Variants in PTPRG observed in about 807,000 individuals in gnomAD.
PTPRG encodes the protein receptor-type tyrosine-protein phosphatase gamma.
Under a neutral mutation model 165.3 loss-of-function variants are expected in PTPRG, and 102 were observed. The ratio of observed to expected loss-of-function variants is 0.62; its 90% CI spans 0.53 to 0.73. PTPRG has a LOEUF of 0.73. PTPRG is among the 30% of genes least tolerant of loss of function. The probability of loss-of-function intolerance (pLI) is 0.00; values close to 1 mark genes in which losing one functional copy is unlikely to be tolerated. For synonymous variants in PTPRG, 675 were observed against 669.5 expected (o/e 1.01, Z -0.13); for missense variants, 1,866 against 1,861.4 (o/e 1.00, Z -0.05).
chr3:61,841,697 T>G (rs1035197796), intron 2 of PTPRG, among the ~76,000 whole-genome samples: 17 of 151,984 alleles, frequency 1.1e-4, no homozygotes, highest in Admixed American at 9.8e-4. Context: ...TGAAATAAGC[T>G]GAAAGTAAGA....
chr3:62,035,200 C>T (rs960011589), intron 4 of PTPRG, among the ~76,000 whole-genome samples: 2 of 152,112 alleles, frequency 1.3e-5, no homozygotes, highest in African/African-American at 4.8e-5. Context: ...TTTTCTCTTC[C>T]CCAAGTAAAA....
intron 2 of PTPRG, among the ~76,000 whole-genome samples, chr3:61,929,511 T>C (rs940713779): frequency 3.9e-5 from 6 of 152,208 alleles, no homozygotes; most frequent in Admixed American, 3.3e-4. Context: ...CTTTTCATAA[T>C]GGGCTTCCTT....
intron 2 of PTPRG, among the ~76,000 whole-genome samples, chr3:61,863,926 A>C (rs1219231282): frequency 6.6e-6 from 1 of 152,204 alleles, no homozygotes; most frequent in Admixed American, 6.5e-5. Context: ...TTTTAACAAC[A>C]TCAATTCTGA....
chr3:61,701,152 C>A lies in PTPRG; in HGVS notation c.86-47726C>A, dbSNP rs145728049. 3.6e-3 allele frequency among the ~76,000 whole-genome samples: 543 copies of A among 152,268 alleles called. 5 individuals carry two copies. The highest frequency in any genetic ancestry group is 0.012 in the African/African-American group (509 of 41,556). On this transcript the variant is annotated intron_variant, in intron 1 of 29. Coordinates refer to ENST00000474889, the MANE Select transcript of PTPRG (RefSeq NM_002841.4). Reference sequence around the variant, plus strand: ...TCTTCTTGTGTTTTCACGGAGTAGTCCACCATCACACCATATGGGCTTTTT... The same window carrying A: ...TCTTCTTGTGTTTTCACGGAGTAGTACACCATCACACCATATGGGCTTTTT...
chr3:61,589,279 T>TAAA (rs1700508960), intron 1 of PTPRG, among the ~76,000 whole-genome samples: 1 of 152,146 alleles, frequency 6.6e-6, no homozygotes, highest in Non-Finnish European at 1.5e-5. Flanking sequence ...ATATTTATTA[T>TAAA]ATGGCCTGTT....
At chr3:62,059,639 A>G (rs950948776) in intron 4 of PTPRG, among the ~76,000 whole-genome samples, 3 of 152,028 alleles carry the variant, frequency 2.0e-5, no homozygotes, top group Non-Finnish European at 2.9e-5. Context: ...GGAGTTCAAG[A>G]CCGGCCTGAG....
chr3:62,284,340 C>A (rs1702559044), intron 28 of PTPRG, among the ~76,000 whole-genome samples: 1 of 152,036 alleles, frequency 6.6e-6, no homozygotes, highest in African/African-American at 2.4e-5. Context: ...ATGTCACATG[C>A]TGAAAATATA....
chr3:62,195,355 G>A lies in PTPRG; in HGVS notation c.1327+185G>A, dbSNP rs1224453227. ...GGTCTTTTAGGTTGGAGGTTTTATCGGCAGAAGAGGGGAGAAAAAACAAAA... is the reference window on the plus strand; with the variant it reads ...GGTCTTTTAGGTTGGAGGTTTTATCAGCAGAAGAGGGGAGAAAAAACAAAA... On this transcript the variant is annotated intron_variant, in intron 10 of 29. Transcript: ENST00000474889. The surrounding 1 kb of genome is among the most constrained non-coding windows in gnomAD (Gnocchi z 4.4). 6.6e-6 allele frequency among the ~76,000 whole-genome samples: 1 copy of A among 152,124 alleles called. No homozygotes were observed. Among genetic ancestry groups the A allele is most frequent in the Non-Finnish European group, 1.5e-5 (1 of 68,028 alleles).
intron 2 of PTPRG, among the ~76,000 whole-genome samples, chr3:61,932,144 A>AGT (rs1322627503): frequency 6.6e-6 from 1 of 152,180 alleles, no homozygotes; most frequent in African/African-American, 2.4e-5. Flanking sequence ...TCTACCACTA[A>AGT]GTGTGTGTCA....
intron 2 of PTPRG, among the ~76,000 whole-genome samples, chr3:61,775,992 G>T (rs1479372943): frequency 4.6e-5 from 7 of 151,830 alleles, no homozygotes; most frequent in African/African-American, 1.7e-4. Flanking sequence ...ACGAGTTAAT[G>T]GGTGCAGCAC....
chr3:61,926,586 T>TCCCC (rs2039216582), intron 2 of PTPRG, among the ~76,000 whole-genome samples: 1 of 80,698 alleles, frequency 1.2e-5, no homozygotes, highest in African/African-American at 5.0e-5. Flanking sequence ...TCCCCTTCCC[T>TCCCC]CCCTCCCTCC....
intron 4 of PTPRG, among the ~76,000 whole-genome samples, chr3:62,008,529 C>G (rs2041347325): frequency 6.6e-6 from 1 of 152,160 alleles, no homozygotes; most frequent in Non-Finnish European, 1.5e-5. Context: ...GTACACGTTA[C>G]CATATGGTAC....
intron 5 of PTPRG, among the ~76,000 whole-genome samples, chr3:62,119,614 A>AT (rs1702988022): frequency 6.7e-6 from 1 of 150,296 alleles, no homozygotes; most frequent in Non-Finnish European, 1.5e-5. Context: ...TTTTTTTTTA[A>AT]TTTTTTTATT....
At chr3:61,618,778 C>T (rs1701370147) in intron 1 of PTPRG, among the ~76,000 whole-genome samples, 1 of 151,752 alleles carries the variant, frequency 6.6e-6, no homozygotes, top group African/African-American at 2.4e-5. Flanking sequence ...AGAGTCAATA[C>T]AGTAAAAAAT....
chr3:62,289,698 T>TCCC (rs555266393), intron 28 of PTPRG, among the ~76,000 whole-genome samples: 22 of 108,326 alleles, frequency 2.0e-4, no homozygotes, highest in Non-Finnish European at 2.4e-4. Context: ...CCATTCATGA[T>TCCC]CCCCCCCCCC....
At chr3:61,787,837 C>T (rs563680085) in intron 2 of PTPRG, among the ~76,000 whole-genome samples, 3 of 151,954 alleles carry the variant, frequency 2.0e-5, no homozygotes, top group Non-Finnish European at 4.4e-5. Flanking sequence ...GTGAACATGA[C>T]GGCTTTAGTG....
At chr3:62,241,040 A>G (rs1388805318) in intron 14 of PTPRG, among the ~76,000 whole-genome samples, 2 of 152,188 alleles carry the variant, frequency 1.3e-5, no homozygotes, top group African/African-American at 4.8e-5. Context: ...AAAAGTATAC[A>G]GGGATAGACC....
At chr3:62,099,686 G>T (rs1357870069) in intron 5 of PTPRG, among the ~76,000 whole-genome samples, 1 of 150,284 alleles carries the variant, frequency 6.7e-6, no homozygotes, top group Non-Finnish European at 1.5e-5. Context: ...CTGCAATTAA[G>T]AATAGCAAAC....
At position 61,663,904 on chromosome 3, in the gene PTPRG, T is replaced by A. The variant is rs143365987; in HGVS notation, c.86-84974T>A. Among the ~76,000 whole-genome samples, 341 of 152,230 alleles carry A rather than the reference T, an allele frequency of 2.2e-3. 1 individual carries two copies. Among genetic ancestry groups the A allele is most frequent in the African/African-American group, 8.1e-3 (335 of 41,552 alleles). ...AATGCTCTCTTGCCCTCCACTCACC[T>A]CCTGTTGTGCAGCTCGGTTCCTGAC... On this transcript the variant is annotated intron_variant, in intron 1 of 29. Transcript: ENST00000474889.
Sources: allele counts gnomAD v4.1 joint callset (sites outside exome capture counted in the v4.1 genomes callset), GRCh38; gene constraint gnomAD v4.1.1; non-coding constraint Gnocchi (gnomAD v3.1); transcripts MANE v1.5; gene names NCBI Gene and HGNC (gene_info 2026-07-23, HGNC 2026-07-21).